The following STYXL1 variants were observed in gnomAD, a reference collection of about 807,000 sequenced individuals.
STYXL1 encodes serine/threonine/tyrosine-interacting-like protein 1.
STYXL1 carries 32 observed loss-of-function variants against 36.4 expected under a neutral mutation model. The ratio of observed to expected loss-of-function variants is 0.88; its 90% confidence interval spans 0.66 to 1.18. The LOEUF (loss-of-function observed/expected upper bound fraction) is 1.18, where lower values mean the gene tolerates loss of function less well. STYXL1 is among the 50% of genes most tolerant of loss of function. The pLI is 0.00. For synonymous variants in STYXL1, 133 were observed against 144.1 expected, an observed-to-expected ratio of 0.92 and a Z score of 0.55; for missense variants, 354 against 394.1, an observed-to-expected ratio of 0.90 and a Z score of 0.86.
chr7:76,042,390 CTTTTTTTTTTTTTTTTTT>C (rs528469396), intron 1 of STYXL1, among the ~76,000 whole-genome samples: 4 of 41,816 alleles, frequency 9.6e-5, no homozygotes, highest in Non-Finnish European at 2.1e-4. Context: ...CCCTTATGTG[CTTTTTTTTTTTTTTTTTT>C]TTTTTTTTTT....
At chr7:76,016,245 T>C (rs1563485197) in intron 4 of STYXL1, among the ~76,000 whole-genome samples, 2 of 151,732 alleles carry the variant, frequency 1.3e-5, no homozygotes, top group African/African-American at 2.4e-5. Context: ...TATGTGTGTA[T>C]AGATATACGT....
chr7:76,033,583 C>T (rs751726297), intron 1 of STYXL1, among the ~76,000 whole-genome samples: 2 of 152,150 alleles, frequency 1.3e-5, no homozygotes, highest in Non-Finnish European at 2.9e-5. Flanking sequence ...AGTTACCAGA[C>T]GATGCTCCTG....
intron 8 of STYXL1, chr7:76,000,642 G>A: frequency 1.7e-6 from 1 of 591,888 alleles, no homozygotes; most frequent in South Asian, 1.5e-5. Flanking sequence ...GACAGCAGTG[G>A]GGGCTGCAGG....
chr7:76,045,041 T>C (rs1228127334), intron 1 of STYXL1: 1 of 152,168 alleles, frequency 6.6e-6, no homozygotes, highest in Non-Finnish European at 1.5e-5. Context: ...ATTAAGCCCA[T>C]CTAAAACGGA....
In STYXL1 at chr7:76,022,496, GAA is replaced by G. The variant is rs34947795; in HGVS notation, c.166-506_166-505del. Among the ~76,000 whole-genome samples the G allele has an allele frequency of 4.3e-3, 625 of 146,316 alleles. 10 individuals carry two copies. The highest frequency in any genetic ancestry group is 0.037 in the South Asian group (173 of 4,632). On this transcript the variant is annotated intron_variant, in intron 3 of 8. Coordinates refer to ENST00000359697, the MANE Select transcript of STYXL1 (RefSeq NM_001317785.2). ...ACAACAGCAAGATCCCCGACTCTAT[GAA>G]AAAAAAAAAAATACAAAAATGCCAG...
At chr7:76,039,942 T>C (rs1796325663) in intron 1 of STYXL1, among the ~76,000 whole-genome samples, 1 of 152,166 alleles carries the variant, frequency 6.6e-6, no homozygotes, top group South Asian at 2.1e-4. Context: ...CCACGGCGCC[T>C]GGCCTCCATC....
At chr7:76,028,449 T>G (rs75848318) in intron 3 of STYXL1, among the ~76,000 whole-genome samples, 193 bp downstream of exon 3, 1,624 of 152,258 alleles carry the variant, frequency 0.011, 11 homozygotes, top group Non-Finnish European at 0.017. Flanking sequence ...ATGGAGTTGT[T>G]GACCATTCTT....
chr7:76,046,341 C>T (rs6950730), intron 1 of STYXL1, among the ~76,000 whole-genome samples: 170 of 16,842 alleles, frequency 0.01, 1 homozygote, highest in East Asian at 0.024. Context: ...TGTGTGTGTG[C>T]GCGCGCGCGC....
At chr7:76,027,178 G>A (rs1273792282) in intron 3 of STYXL1, among the ~76,000 whole-genome samples, 2 of 152,104 alleles carry the variant, frequency 1.3e-5, no homozygotes, top group African/African-American at 2.4e-5. Flanking sequence ...CCTGGGCAAA[G>A]GCTGCCAGGC....
rs1554576286 is a variant in STYXL1, at chr7:76,021,836, T to C, written c.307+15A>G. 1 of 1,583,278 alleles carries C rather than the reference T, an allele frequency of 6.3e-7. No individual in the cohort carries two copies. The highest frequency in any genetic ancestry group is 1.7e-5 in the Admixed American group (1 of 59,696). ...CCGTTAACTATTATTCTTGCTGCTG[T>C]TGCATAAAACCCACCTTTGCCATCA... On this transcript the variant is annotated intron_variant, in intron 4 of 8. Transcript: ENST00000359697.
At chr7:76,025,756 C>T (rs1249639157) in intron 3 of STYXL1, among the ~76,000 whole-genome samples, 2 of 151,644 alleles carry the variant, frequency 1.3e-5, no homozygotes, top group African/African-American at 4.8e-5. Context: ...TACCACTGCA[C>T]CGGGCAGACA....
At chr7:76,046,151 T>C (rs1796936029) in intron 1 of STYXL1, among the ~76,000 whole-genome samples, 1 of 152,158 alleles carries the variant, frequency 6.6e-6, no homozygotes, top group African/African-American at 2.4e-5. Context: ...CATTGTTAAA[T>C]GCTCAGGCCC....
chr7:76,039,581 G>A (rs1462668635), intron 1 of STYXL1, among the ~76,000 whole-genome samples: 3 of 152,148 alleles, frequency 2.0e-5, no homozygotes, highest in African/African-American at 7.2e-5. Flanking sequence ...GAAAGAAAGA[G>A]GGAAGAGGAG....
In STYXL1 at chr7:76,024,102, T is replaced by C. The variant is rs1216753670; in HGVS notation, c.166-2110A>G. On this transcript the variant is annotated intron_variant, in intron 3 of 8. Transcript: ENST00000359697. ...TGTGTTGTCCAGGCTCGTCTCAAACTCTTGAGCTCAAGCAAACTCCCCACC... is the reference window on the plus strand; with the variant it reads ...TGTGTTGTCCAGGCTCGTCTCAAACCCTTGAGCTCAAGCAAACTCCCCACC... Among the ~76,000 whole-genome samples, 4 of 152,074 alleles carry C rather than the reference T, an allele frequency of 2.6e-5. No homozygotes were observed. The East Asian group carries it at 7.8e-4, about 30-fold the overall frequency.
chr7:76,045,031 A>G (rs1017978589), intron 1 of STYXL1: 1 of 152,218 alleles, frequency 6.6e-6, no homozygotes, highest in Non-Finnish European at 1.5e-5. Context: ...ATAACTCCCA[A>G]TTAAGCCCAT....
chr7:76,023,736 C>T (rs2116124872), intron 3 of STYXL1, among the ~76,000 whole-genome samples: 1 of 152,012 alleles, frequency 6.6e-6, no homozygotes, highest in Middle Eastern at 3.4e-3. Context: ...ACCAACAAGG[C>T]CGGGCGCGGA....
rs1360154284 is a variant in STYXL1, at chr7:76,026,108, C to T, written c.165+2534G>A. Among the ~76,000 whole-genome samples the T allele has an allele frequency of 3.7e-5, 5 of 134,636 alleles. 1 individual carries two copies. In the South Asian group the frequency reaches 1.0e-3, roughly 28 times the overall value. The allele number at this position is 134,636 out of a possible 152,430, so 88.3% of individuals were successfully genotyped here. A position where few individuals can be genotyped will look rare whatever the true frequency, so the allele number is the denominator to read the frequency against. On this transcript the variant is annotated intron_variant, in intron 3 of 8. Transcript: ENST00000359697. The stretch of plus-strand genomic sequence containing the variant: ...TCGGGAGGCTGAGGCAGGATAATGG[C>T]GTTAACCCGGGAGGTGGAGCGTGCA...
At chr7:76,010,938 G>A (rs1427866259) in intron 5 of STYXL1, among the ~76,000 whole-genome samples, 3 of 152,188 alleles carry the variant, frequency 2.0e-5, no homozygotes, top group Non-Finnish European at 2.9e-5. Flanking sequence ...TAGTTGGCCA[G>A]GTGTGGTGGT....
At chr7:76,022,494 A>G (rs1420308741) in intron 3 of STYXL1, among the ~76,000 whole-genome samples, 1 of 95,212 alleles carries the variant, frequency 1.1e-5, no homozygotes, top group East Asian at 2.4e-4. Flanking sequence ...CCCCGACTCT[A>G]TGAAAAAAAA....
Sources: allele counts gnomAD v4.1 joint callset (sites outside exome capture counted in the v4.1 genomes callset), GRCh38; gene constraint gnomAD v4.1.1; transcripts MANE v1.5; gene names NCBI Gene and HGNC (gene_info 2026-07-23, HGNC 2026-07-21).